The following ANKRD18A variants were observed in gnomAD, a reference collection of about 807,000 sequenced individuals.
ANKRD18A encodes the protein ankyrin repeat domain-containing protein 18A.
ANKRD18A carries 72 observed loss-of-function variants against 110.6 expected under a neutral mutation model. The ratio of observed to expected loss-of-function variants is 0.65; its 90% CI spans 0.54 to 0.79. The LOEUF (loss-of-function observed/expected upper bound fraction) is 0.79, where lower values mean the gene tolerates loss of function less well. Among genes scored for constraint, ANKRD18A ranks in the 30% least tolerant of loss-of-function variants. The pLI is 0.00. For missense variants in ANKRD18A, 934 were observed against 1,163.3 expected (o/e 0.80, Z 2.87); for synonymous variants, 305 against 410.3 (o/e 0.74, Z 3.10).
chr9:38,593,909 C>T lies in ANKRD18A; in HGVS notation c.1855G>A (p.Val619Met). 1 of 1,466,032 alleles carries T rather than the reference C, an allele frequency of 6.8e-7. No individual in the cohort carries two copies. The highest frequency in any genetic ancestry group is 9.0e-7 in the Non-Finnish European group (1 of 1,110,644). The allele number at this position is 1,466,032 out of a possible 1,614,324, so 90.8% of individuals were successfully genotyped here. Residue 619 changes from valine (V) to methionine (M), a missense_variant and splice_region_variant, in exon 10 of 16, where the codon GTG becomes ATG. By Grantham distance (21) the Val-to-Met change is conservative (BLOSUM62 1). Around this residue, in one of 4 missense-constraint regions of ANKRD18A, gnomAD observed 630 missense variants for 797.5 expected, o/e 0.79. Transcript: ENST00000399703. The part of the protein sequence containing the change: ...QCEKEKAERE[V>M]IVREFQEELV... ...TCTTCTTGAAATTCTCTCACAATCACCTGACAAAATATTTTTGTTACCAAT... is the reference window on the plus strand; with the variant it reads ...TCTTCTTGAAATTCTCTCACAATCATCTGACAAAATATTTTTGTTACCAAT...
In ANKRD18A at chr9:38,620,583, C is replaced by CT; in HGVS notation, c.-299dup. On this transcript the variant is annotated 5_prime_UTR_variant, in exon 1 of 16. Transcript: ENST00000399703. Reference sequence around the variant, plus strand: ...CGCGCCTGAACCTCAGCGCTCCGAACTCTCAGACCGAGTGAGTCCCCGCGA... The same window carrying CT: ...CGCGCCTGAACCTCAGCGCTCCGAACTTCTCAGACCGAGTGAGTCCCCGCGA... 1 of 925,634 alleles carries CT rather than the reference C, an allele frequency of 1.1e-6. No homozygotes were observed. Among genetic ancestry groups the CT allele is most frequent in the Non-Finnish European group, 1.4e-6 (1 of 707,928 alleles). The allele number at this position is 925,634 out of a possible 1,614,324, so 57.3% of individuals were successfully genotyped here. A position where few individuals can be genotyped will look rare whatever the true frequency, so the allele number is the denominator to read the frequency against.
At chr9:38,594,677 G>A (rs1455134175) in intron 9 of ANKRD18A, among the ~76,000 whole-genome samples, 3 of 152,138 alleles carry the variant, frequency 2.0e-5, no homozygotes, top group African/African-American at 7.2e-5. Flanking sequence ...ACATTGGCAT[G>A]AATCAAAACA....
chr9:38,608,049 T>C (rs1825437139), intron 5 of ANKRD18A, among the ~76,000 whole-genome samples: 1 of 152,228 alleles, frequency 6.6e-6, no homozygotes, highest in South Asian at 2.1e-4. Context: ...CAGAGAATGT[T>C]ATTAAGTGCT....
downstream of ANKRD18A, chr9:38,569,390 G>T: frequency 1.0e-6 from 1 of 985,346 alleles, no homozygotes; most frequent in South Asian, 4.7e-5. Flanking sequence ...AAGAGAGCAG[G>T]TCCCACTCAC....
intron 6 of ANKRD18A, among the ~76,000 whole-genome samples, chr9:38,606,535 T>C (rs543679374): frequency 9.2e-5 from 14 of 152,344 alleles, no homozygotes; most frequent in East Asian, 5.8e-4. Flanking sequence ...AAAAGCATAG[T>C]ATATAATAAT....
intron 10 of ANKRD18A, among the ~76,000 whole-genome samples, chr9:38,589,410 C>T (rs1824534259): frequency 6.6e-6 from 1 of 152,200 alleles, no homozygotes; most frequent in Non-Finnish European, 1.5e-5. Flanking sequence ...ATCTGGGTTG[C>T]TTGGCAAAGG....
chr9:38,568,610 G>C (rs187012464), downstream of ANKRD18A, among the ~76,000 whole-genome samples: 2 of 151,978 alleles, frequency 1.3e-5, no homozygotes, highest in Admixed American at 6.5e-5. Flanking sequence ...CGGTCCACTT[G>C]CTCCAGGCAC....
intron 6 of ANKRD18A, among the ~76,000 whole-genome samples, chr9:38,605,754 C>T (rs1438460435): frequency 1.3e-5 from 2 of 152,084 alleles, no homozygotes; most frequent in African/African-American, 4.8e-5. Flanking sequence ...GTTGGGAATA[C>T]AGGTGCCCAC....
At chr9:38,573,100 A>C (rs1823723479) in intron 15 of ANKRD18A, 2 of 1,422,016 alleles carry the variant, frequency 1.4e-6, no homozygotes, top group Non-Finnish European at 1.9e-6. Flanking sequence ...TTGTTCCTGT[A>C]ATTATTTGTT....
chr9:38,597,864 T>TCAAA (rs1824954893), intron 8 of ANKRD18A, among the ~76,000 whole-genome samples: 1 of 152,170 alleles, frequency 6.6e-6, no homozygotes, highest in South Asian at 2.1e-4. Context: ...ATCATACATG[T>TCAAA]CAAAACCTAC....
intron 12 of ANKRD18A, among the ~76,000 whole-genome samples, chr9:38,582,668 C>T (rs904746812): frequency 6.6e-6 from 1 of 152,194 alleles, no homozygotes; most frequent in African/African-American, 2.4e-5. Context: ...GTTGGACTCT[C>T]ACCTAATACC....
rs1410073919 is a variant in ANKRD18A at position 38,577,204 on chromosome 9, T to A, written c.2590A>T (p.Lys864Ter). Residue 864 changes from lysine (K) to a stop codon, truncating the protein, a stop_gained, in exon 14 of 16, where the codon AAA becomes TAA. Coordinates refer to ENST00000399703, the MANE Select transcript of ANKRD18A (RefSeq NM_147195.4). LOFTEE classifies it high-confidence loss of function. ...TCTTTAAGTGTGAGTTCCTTCTTTT[T>A]TAGTGAAGCCGTATTATCCTTGTTT... ...QLNKDNTASL[K>*]KKELTLKDVE... 1.3e-6 allele frequency: 2 copies of A among 1,546,976 alleles called. No homozygotes were observed. The highest frequency in any genetic ancestry group is 1.7e-6 in the Non-Finnish European group (2 of 1,146,104).
chr9:38,574,167 T>C (rs1262468479), intron 15 of ANKRD18A, among the ~76,000 whole-genome samples: 1 of 152,234 alleles, frequency 6.6e-6, no homozygotes, highest in Non-Finnish European at 1.5e-5. Context: ...TTGGTTTCTG[T>C]TTCTGCGTTA....
rs1256765245 is a variant in ANKRD18A, at chr9:38,575,655, C to A, written c.2785G>T (p.Glu929Ter). The A allele has an allele frequency of 1.9e-6, 3 of 1,551,668 alleles. No individual in the cohort carries two copies. Among genetic ancestry groups the A allele is most frequent in the Non-Finnish European group, 2.6e-6 (3 of 1,146,872 alleles). ...AGAAAATATTTCATCCGCTGTTTCT[C>A]CGTAAAGAGCTTGGTGCTGATCACT... ...IAVISTKLFT[E>*]KQRMKYFLST... The change falls in exon 15 of 16, where the codon GAG becomes TAG. Residue 929 changes from glutamate to a stop codon, truncating the protein, a stop_gained. Coordinates refer to ENST00000399703, the MANE Select transcript of ANKRD18A (RefSeq NM_147195.4). LOFTEE classifies it high-confidence loss of function.
chr9:38,582,281 T>G (rs1278061772), intron 12 of ANKRD18A, among the ~76,000 whole-genome samples: 1 of 152,110 alleles, frequency 6.6e-6, no homozygotes. Flanking sequence ...AAGGTTCAAA[T>G]GGAGAAAAAA....
chr9:38,612,484 A>G (rs553753070), intron 3 of ANKRD18A, among the ~76,000 whole-genome samples: 28 of 151,512 alleles, frequency 1.8e-4, no homozygotes, highest in Non-Finnish European at 3.2e-4. Flanking sequence ...TTCTAGCATA[A>G]TAAGAGCCAA....
intron 3 of ANKRD18A, 29 bp downstream of exon 3, chr9:38,615,565 T>C (rs1825814345): frequency 6.5e-7 from 1 of 1,537,104 alleles, no homozygotes; most frequent in Non-Finnish European, 8.7e-7. Context: ...AAAACAAACA[T>C]TTTGAAAAGA....
downstream of ANKRD18A, chr9:38,569,371 G>C (rs1036178491): frequency 2.0e-6 from 2 of 985,270 alleles, no homozygotes; most frequent in Non-Finnish European, 2.4e-6. Flanking sequence ...CCCAAGCCAG[G>C]AGGAAGAGAA....
At chr9:38,616,797 A>G (rs1228489364) in intron 1 of ANKRD18A, among the ~76,000 whole-genome samples, 1 of 152,192 alleles carries the variant, frequency 6.6e-6, no homozygotes, top group African/African-American at 2.4e-5. Flanking sequence ...AAAATATTTT[A>G]ATTAAGTAAA....
Sources: allele counts gnomAD v4.1 joint callset (sites outside exome capture counted in the v4.1 genomes callset), GRCh38; gene constraint gnomAD v4.1.1; regional missense constraint gnomAD v4.1.1; transcripts MANE v1.5; gene names NCBI Gene and HGNC (gene_info 2026-07-23, HGNC 2026-07-21).